Variants in BPIFC observed in about 807,000 individuals in gnomAD.
BPIFC encodes the protein BPI fold containing family C.
A neutral mutation model predicts 57.6 loss-of-function variants in BPIFC; 60 were observed. The ratio of observed to expected loss-of-function variants is 1.04; its 90% confidence interval spans 0.85 to 1.29. The LOEUF is 1.29. Among genes scored for constraint, BPIFC ranks in the 50% most tolerant of loss-of-function variants. BPIFC has a pLI of 0.00. For synonymous variants in BPIFC, 243 were observed against 224.5 expected, an observed-to-expected ratio of 1.08 and a Z score of -0.74; for missense variants, 581 against 600.5, an observed-to-expected ratio of 0.97 and a Z score of 0.34.
intron 4 of BPIFC, among the ~76,000 whole-genome samples, chr22:32,448,883 G>A (rs905371672): frequency 1.3e-5 from 2 of 151,876 alleles, no homozygotes. Flanking sequence ...GCTGCAGTGA[G>A]CCGAGATCGC....
chr22:32,426,891 G>GA (rs71694756), intron 13 of BPIFC, among the ~76,000 whole-genome samples: 79 of 96,952 alleles, frequency 8.1e-4, no homozygotes, highest in South Asian at 5.5e-3. Flanking sequence ...GACTCTGTCT[G>GA]AAAAAAAAAA....
At chr22:32,445,181 A>G (rs2145949327) in intron 7 of BPIFC, among the ~76,000 whole-genome samples, 1 of 152,332 alleles carries the variant, frequency 6.6e-6, no homozygotes, top group South Asian at 2.1e-4. Context: ...ATGTGTGTGA[A>G]AGTGCCTTGG....
At chr22:32,447,988 CATT>C (rs1331087486) in intron 4 of BPIFC, among the ~76,000 whole-genome samples, 2 of 152,140 alleles carry the variant, frequency 1.3e-5, no homozygotes, top group South Asian at 2.1e-4. Context: ...ACATTGCCAT[CATT>C]ATTTTTCCTT....
At chr22:32,429,850 C>A (rs1236730576) in intron 13 of BPIFC, among the ~76,000 whole-genome samples, 1 of 152,072 alleles carries the variant, frequency 6.6e-6, no homozygotes, top group Non-Finnish European at 1.5e-5. Flanking sequence ...TCATAACTAC[C>A]ACGTTGACTT....
chr22:32,450,141 C>T (rs5998497), intron 4 of BPIFC, among the ~76,000 whole-genome samples: 77,340 of 147,778 alleles, frequency 0.52, 20,524 homozygotes, highest in African/African-American at 0.59. Context: ...CACACACACA[C>T]ATATATACAC....
Position 32,415,993 on chromosome 22 carries a change from T to TAAAATATAGAACAAGAA in BPIFC, c.1325-3_1325-2insTTCTTGTTCTATATTTT, listed in dbSNP as rs1267881075. On this transcript the variant is annotated splice_polypyrimidine_tract_variant and splice_region_variant and intron_variant, in intron 15 of 16. Transcript: ENST00000300399. ...GAGGAAATCCTTGCTGCAATTTTGC[T>TAAAATATAGAACAAGAA]AAAATATAGAACAAGACGTAAAACA... The TAAAATATAGAACAAGAA allele has an allele frequency of 1.2e-5, 19 of 1,575,146 alleles. No individual in the cohort carries two copies. Among genetic ancestry groups the TAAAATATAGAACAAGAA allele is most frequent in the Non-Finnish European group, 1.6e-5 (18 of 1,159,444 alleles).
At chr22:32,449,744 TTC>T (rs904210586) in intron 4 of BPIFC, among the ~76,000 whole-genome samples, 12 of 151,154 alleles carry the variant, frequency 7.9e-5, no homozygotes, top group Non-Finnish European at 8.9e-5. Context: ...TTCTCTTTTT[TTC>T]TTTTTTGAGA....
intron 10 of BPIFC, among the ~76,000 whole-genome samples, chr22:32,434,350 A>G (rs923933474): frequency 6.7e-6 from 1 of 149,046 alleles, no homozygotes; most frequent in South Asian, 2.1e-4. Context: ...ATTTATATAT[A>G]TTACAATCTA....
At chr22:32,421,035 C>A (rs915370734) in intron 13 of BPIFC, among the ~76,000 whole-genome samples, 1 of 152,142 alleles carries the variant, frequency 6.6e-6, no homozygotes, top group Non-Finnish European at 1.5e-5. Context: ...TGTTCTTTTT[C>A]AAATATCAAC....
intron 1 of BPIFC, among the ~76,000 whole-genome samples, chr22:32,462,284 T>A (rs1303477907): frequency 6.6e-6 from 1 of 151,574 alleles, no homozygotes; most frequent in Non-Finnish European, 1.5e-5. Context: ...TCTGTACCTA[T>A]TAGACTGTGT....
Position 32,437,724 on chromosome 22 carries a change from C to G in BPIFC, c.747+36G>C, listed in dbSNP as rs372145332. The G allele has an allele frequency of 2.5e-4, 363 of 1,444,812 alleles. 1 individual carries two copies. The highest frequency in any genetic ancestry group is 1.3e-3 in the South Asian group (114 of 87,292). 89.5% of individuals were successfully genotyped at this position (1,444,812 alleles called of 1,614,324 possible). A position where few individuals can be genotyped will look rare whatever the true frequency, so the allele number is the denominator to read the frequency against. ...TTGTTTTCTAAATATTGGCTGTTGACAGCCAGGCTGAGGATTCTGATGATG... is the reference window on the plus strand; with the variant it reads ...TTGTTTTCTAAATATTGGCTGTTGAGAGCCAGGCTGAGGATTCTGATGATG... On this transcript the variant is annotated intron_variant, in intron 9 of 16. Transcript: ENST00000300399.
At chr22:32,445,576 G>C in intron 7 of BPIFC, 59 bp downstream of exon 7, 1 of 1,419,592 alleles carries the variant, frequency 7.0e-7, no homozygotes, top group Non-Finnish European at 9.8e-7. Flanking sequence ...TTAATTAAAG[G>C]ATGATAGAAC....
At chr22:32,439,573 A>G (rs953473640) in intron 8 of BPIFC, among the ~76,000 whole-genome samples, 5 of 152,164 alleles carry the variant, frequency 3.3e-5, no homozygotes, top group African/African-American at 1.2e-4. Flanking sequence ...GCTAAGATAA[A>G]GGAATAATAT....
chr22:32,439,511 T>A (rs5754085), intron 8 of BPIFC, among the ~76,000 whole-genome samples: 1 of 152,222 alleles, frequency 6.6e-6, no homozygotes, highest in African/African-American at 2.4e-5. Flanking sequence ...TGTCTTCTCT[T>A]TTCTTGCATG....
At chr22:32,455,031 T>C (rs1466916843) in intron 3 of BPIFC, among the ~76,000 whole-genome samples, 1 of 150,816 alleles carries the variant, frequency 6.6e-6, no homozygotes, top group Non-Finnish European at 1.5e-5. Flanking sequence ...GTAGGTACTA[T>C]AATTTTCATT....
rs1277998184 is a variant in BPIFC at position 32,431,383 on chromosome 22, A to C, written c.1181T>G (p.Leu394Trp). The C allele has an allele frequency of 6.3e-6, 10 of 1,596,226 alleles. No homozygotes were observed. The highest frequency in any genetic ancestry group is 8.6e-6 in the Non-Finnish European group (10 of 1,167,900). ...VASTSVGLVI[L>W]GQRLVCSLSL... Reference sequence around the variant, plus strand: ...CAAGGAGCAGACCAGTCTTTGTCCCAAAATAACCAGGCCAACACTGGTACT... The same window carrying C: ...CAAGGAGCAGACCAGTCTTTGTCCCCAAATAACCAGGCCAACACTGGTACT... The change falls in exon 13 of 17, where the codon TTG becomes TGG. Residue 394 changes from leucine (L) to tryptophan (W), a missense_variant. By Grantham distance (61) the Leu-to-Trp change is moderately conservative. Transcript: ENST00000300399.
chr22:32,431,457 C>T, intron 12 of BPIFC, 43 bp from the exon 13 acceptor site: 1 of 1,195,008 alleles, frequency 8.4e-7, no homozygotes, highest in Non-Finnish European at 1.2e-6. Flanking sequence ...GAGTGAGTGT[C>T]AATTTTGGCC....
chr22:32,415,327 T>G (rs898468508), intron 16 of BPIFC, among the ~76,000 whole-genome samples: 1 of 152,176 alleles, frequency 6.6e-6, no homozygotes, highest in Admixed American at 6.5e-5. Flanking sequence ...ACCCCTGGAC[T>G]GTACAGGATT....
intron 9 of BPIFC, among the ~76,000 whole-genome samples, chr22:32,436,382 G>GGAA (rs1934399377): frequency 6.8e-6 from 1 of 146,884 alleles, no homozygotes; most frequent in Admixed American, 6.8e-5. Flanking sequence ...AGGAGGAAGA[G>GGAA]GAGGAGGAGG....
Sources: gnomAD v4.1 joint callset for allele counts (sites outside exome capture counted in the v4.1 genomes callset) on GRCh38, gnomAD v4.1.1 for gene constraint, MANE v1.5 for transcripts, NCBI Gene and HGNC (gene_info 2026-07-23, HGNC 2026-07-21) for gene names.